The following ULK4 variants were observed in gnomAD, a reference collection of about 807,000 sequenced individuals.
ULK4 encodes unc-51 like kinase 4.
A neutral mutation model predicts 160.6 loss-of-function variants in ULK4; 133 were observed. The observed-to-expected ratio is 0.83, with a 90% CI of 0.72 to 0.96. ULK4 has a LOEUF of 0.96. ULK4 is among the 40% of genes least tolerant of loss of function. The pLI is 0.00. For synonymous variants in ULK4, 534 were observed against 539.8 expected, an observed-to-expected ratio of 0.99 and a Z score of 0.15; for missense variants, 1,580 against 1,499.5, an observed-to-expected ratio of 1.05 and a Z score of -0.89.
At chr3:41,631,522 T>G (rs913446528) in intron 30 of ULK4, among the ~76,000 whole-genome samples, 5 of 152,194 alleles carry the variant, frequency 3.3e-5, no homozygotes, top group South Asian at 4.1e-4. Flanking sequence ...ATTAAAAATA[T>G]GGATTTTAGT....
intron 27 of ULK4, among the ~76,000 whole-genome samples, chr3:41,689,039 A>C (rs2036193753): frequency 6.6e-6 from 1 of 152,080 alleles, no homozygotes; most frequent in South Asian, 2.1e-4. Context: ...GAAAGCCAAA[A>C]ATGTTCCCCG....
chr3:41,406,112 A>G (rs2082288890), intron 34 of ULK4, among the ~76,000 whole-genome samples: 1 of 152,194 alleles, frequency 6.6e-6, no homozygotes, highest in Non-Finnish European at 1.5e-5. Flanking sequence ...TCCTACATTT[A>G]AATCTTTAAT....
intron 34 of ULK4, among the ~76,000 whole-genome samples, chr3:41,400,387 CCA>C (rs1356087670): frequency 6.6e-6 from 1 of 152,066 alleles, no homozygotes. Flanking sequence ...CCCCTGGTGA[CCA>C]CACACCGGTT....
At chr3:41,539,131 T>C (rs567087398) in intron 32 of ULK4, among the ~76,000 whole-genome samples, 8 of 152,024 alleles carry the variant, frequency 5.3e-5, no homozygotes, top group African/African-American at 1.4e-4. Context: ...GACATATTTA[T>C]AGAAACAAAT....
intron 17 of ULK4, among the ~76,000 whole-genome samples, chr3:41,882,475 A>G (rs1575879510): frequency 1.3e-5 from 2 of 152,216 alleles, no homozygotes; most frequent in Non-Finnish European, 2.9e-5. Flanking sequence ...ACTATACTGG[A>G]TAGTTCAACA....
chr3:41,900,872 G>T, intron 12 of ULK4, 43 bp from the exon 13 acceptor site: 2 of 1,453,100 alleles, frequency 1.4e-6, no homozygotes, highest in Non-Finnish European at 1.9e-6. Flanking sequence ...TGCGACTAAT[G>T]TAGATCTTTA....
intron 35 of ULK4, among the ~76,000 whole-genome samples, chr3:41,366,184 G>A (rs1397991208): frequency 2.6e-5 from 4 of 152,130 alleles, no homozygotes; most frequent in African/African-American, 4.8e-5. Context: ...CAACACAGAA[G>A]GAATCCCAGC....
At chr3:41,614,606 T>A (rs1484942700) in intron 31 of ULK4, among the ~76,000 whole-genome samples, 1 of 152,188 alleles carries the variant, frequency 6.6e-6, no homozygotes. Flanking sequence ...GTTCCACTCA[T>A]CAAGGCAGCT....
In ULK4 at chr3:41,346,230, G is replaced by A. The variant is rs117724142; in HGVS notation, c.3678+51849C>T. ...ACATTGACTGAGCGTTTCACCTAGT[G>A]CACTGAGAACCTGGCAAATGATCTG... On this transcript the variant is annotated intron_variant, in intron 35 of 36. Coordinates refer to ENST00000301831, the MANE Select transcript of ULK4 (RefSeq NM_017886.4). Among the ~76,000 whole-genome samples, 67 of 152,238 alleles carry A rather than the reference G, an allele frequency of 4.4e-4. No homozygotes were observed. In the East Asian group the frequency reaches 0.013, roughly 29 times the overall value.
At chr3:41,879,835 G>A (rs1307056210) in intron 17 of ULK4, among the ~76,000 whole-genome samples, 1 of 152,044 alleles carries the variant, frequency 6.6e-6, no homozygotes, top group Non-Finnish European at 1.5e-5. Flanking sequence ...TACTCCTTTT[G>A]GCCAGGAGTG....
intron 32 of ULK4, among the ~76,000 whole-genome samples, chr3:41,562,554 G>T (rs772021308): frequency 6.6e-6 from 1 of 152,178 alleles, no homozygotes; most frequent in Non-Finnish European, 1.5e-5. Context: ...ACTGTATTAG[G>T]TGCATATATA....
At chr3:41,325,770 T>C (rs978008294) in intron 35 of ULK4, among the ~76,000 whole-genome samples, 1 of 151,764 alleles carries the variant, frequency 6.6e-6, no homozygotes, top group Non-Finnish European at 1.5e-5. Context: ...ACAAAAAATA[T>C]CAGCCAGGCA....
In ULK4 at chr3:41,715,428, C is replaced by T; in HGVS notation, c.2577+19G>A. On this transcript the variant is annotated intron_variant, in intron 24 of 36. Transcript: ENST00000301831. ...GAAGAGGCAAATTTATATCCTTTTC[C>T]TCCTCAATACAATAGTACCTGTGAA... 1 of 1,613,942 alleles carries T rather than the reference C, an allele frequency of 6.2e-7. No homozygotes were observed.
chr3:41,279,090 A>G (rs1263143842), intron 35 of ULK4, among the ~76,000 whole-genome samples: 1 of 152,180 alleles, frequency 6.6e-6, no homozygotes, highest in East Asian at 1.9e-4. Context: ...TAAACAGTGT[A>G]GAGAACATAA....
intron 34 of ULK4, among the ~76,000 whole-genome samples, chr3:41,414,460 T>C (rs1190707913): frequency 6.6e-6 from 1 of 152,224 alleles, no homozygotes; most frequent in African/African-American, 2.4e-5. Flanking sequence ...ATCTACACAA[T>C]ATAATGCATT....
chr3:41,270,983 A>G (rs2079128342), intron 35 of ULK4, among the ~76,000 whole-genome samples: 1 of 152,166 alleles, frequency 6.6e-6, no homozygotes, highest in Non-Finnish European at 1.5e-5. Context: ...CAGGGCTTAT[A>G]AAACTGTGTT....
chr3:41,751,245 C>A (rs182922124), intron 22 of ULK4, among the ~76,000 whole-genome samples: 10 of 152,268 alleles, frequency 6.6e-5, no homozygotes, highest in African/African-American at 2.2e-4. Context: ...TAGAACCTTA[C>A]AGACAGGGAC....
chr3:41,460,151 A>G (rs571569295), intron 33 of ULK4, among the ~76,000 whole-genome samples: 1 of 152,270 alleles, frequency 6.6e-6, no homozygotes, highest in Admixed American at 6.5e-5. Flanking sequence ...ACTAAGAAAG[A>G]CTCAGTAGCC....
chr3:41,576,910 CAAACAT>C (rs1414239290), intron 31 of ULK4, among the ~76,000 whole-genome samples: 1 of 152,128 alleles, frequency 6.6e-6, no homozygotes, highest in Admixed American at 6.5e-5. Context: ...TAACTGCTCA[CAAACAT>C]AAAGTGTCCC....
Sources: allele counts gnomAD v4.1 joint callset (sites outside exome capture counted in the v4.1 genomes callset), GRCh38; gene constraint gnomAD v4.1.1; transcripts MANE v1.5; gene names NCBI Gene and HGNC (gene_info 2026-07-23, HGNC 2026-07-21).